BAIAP2: variants seen among roughly 807,000 people sequenced by gnomAD.
BAIAP2 encodes the protein BAR/IMD domain-containing adapter protein 2.
Under a neutral mutation model 63.0 loss-of-function variants are expected in BAIAP2, and 18 were observed. The observed-to-expected ratio is 0.29, with a 90% CI of 0.20 to 0.42. The LOEUF (loss-of-function observed/expected upper bound fraction) is 0.42, where lower values mean the gene tolerates loss of function less well. Ranked by LOEUF, BAIAP2 falls within the 10% of genes least tolerant of loss-of-function variation. The pLI, the probability that BAIAP2 is intolerant of heterozygous loss-of-function variation, is 1.00. For missense variants in BAIAP2, 610 were observed against 734.3 expected (o/e 0.83, Z 1.96); for synonymous variants, 386 against 307.6 (o/e 1.25, Z -2.67).
chr17:81,037,492 A>G (rs2046439470), intron 1 of BAIAP2, among the ~76,000 whole-genome samples: 1 of 152,208 alleles, frequency 6.6e-6, no homozygotes, highest in Non-Finnish European at 1.5e-5. Context: ...CTGGTTGGGC[A>G]GCTTTTGGCA....
At chr17:81,070,017 G>T (rs149705257) in intron 3 of BAIAP2, among the ~76,000 whole-genome samples, 1 of 152,122 alleles carries the variant, frequency 6.6e-6, no homozygotes, top group Non-Finnish European at 1.5e-5. Flanking sequence ...GCTAGAGTGT[G>T]GTGGCGCAGT....
chr17:81,061,507 A>G (rs1050520670), intron 3 of BAIAP2, among the ~76,000 whole-genome samples: 3 of 152,214 alleles, frequency 2.0e-5, no homozygotes, highest in Non-Finnish European at 2.9e-5. Flanking sequence ...GGAGTTTTAC[A>G]TACATGGAAC....
chr17:81,113,036 CAG>C (rs1223095496), intron 13 of BAIAP2, among the ~76,000 whole-genome samples: 3 of 152,200 alleles, frequency 2.0e-5, no homozygotes, highest in Non-Finnish European at 4.4e-5. Flanking sequence ...GCCCGGAAGA[CAG>C]AGCAAGACCC....
At chr17:81,091,249 G>T (rs532540586) in intron 6 of BAIAP2, among the ~76,000 whole-genome samples, 2 of 143,414 alleles carry the variant, frequency 1.4e-5, no homozygotes, top group South Asian at 2.2e-4. Flanking sequence ...GGCTTGCCTC[G>T]CGGGGTCTAC....
chr17:81,063,291 T>C (rs2050906323), intron 3 of BAIAP2, among the ~76,000 whole-genome samples: 1 of 152,292 alleles, frequency 6.6e-6, no homozygotes, highest in East Asian at 1.9e-4. Context: ...CACAGGAAGA[T>C]GGATTTGTGC....
Position 81,116,604 on chromosome 17 carries a change from C to A in BAIAP2, c.*765C>A. 2 of 453,264 alleles carry A rather than the reference C, an allele frequency of 4.4e-6. No individual in the cohort carries two copies. The highest frequency in any genetic ancestry group is 4.1e-6 in the Non-Finnish European group (1 of 246,662). 28.1% of individuals were successfully genotyped at this position (453,264 alleles called of 1,614,324 possible). On this transcript the variant is annotated 3_prime_UTR_variant, in exon 14 of 14. Transcript: ENST00000428708. ...TGCCCGCTGGCAGGTGGGGGCTTCC[C>A]CGCTTCCGGGGTCTGCCCCAGGACT... is the stretch of plus-strand genomic sequence containing the variant.
At chr17:81,051,635 G>A (rs1381754071) in intron 1 of BAIAP2, among the ~76,000 whole-genome samples, 2 of 152,084 alleles carry the variant, frequency 1.3e-5, no homozygotes, top group Admixed American at 6.6e-5. Flanking sequence ...CTCGTGATCC[G>A]CCTGCCTTGG....
intron 6 of BAIAP2, among the ~76,000 whole-genome samples, chr17:81,094,924 T>C (rs1320757649): frequency 6.6e-6 from 1 of 152,258 alleles, no homozygotes; most frequent in Non-Finnish European, 1.5e-5. Context: ...GTGGGAAAGC[T>C]GCAGCAGCCG....
At chr17:81,084,119 C>T (rs2055137153) in intron 3 of BAIAP2, among the ~76,000 whole-genome samples, 2 of 152,222 alleles carry the variant, frequency 1.3e-5, no homozygotes, top group African/African-American at 4.8e-5. Context: ...TGCACACGGG[C>T]CGAGGAGACA....
chr17:81,096,912 C>T (rs1057201385), intron 6 of BAIAP2, among the ~76,000 whole-genome samples: 24 of 152,204 alleles, frequency 1.6e-4, no homozygotes, highest in African/African-American at 2.9e-4. Flanking sequence ...AAAAGTACTT[C>T]GCGCTCCAGC....
chr17:81,107,735 A>G (rs2059355988), intron 12 of BAIAP2: 2 of 152,416 alleles, frequency 1.3e-5, no homozygotes, highest in South Asian at 4.1e-4. Flanking sequence ...CCGAGATAAC[A>G]GGTAGCCTGG....
chr17:81,110,876 C>T (rs778204190), intron 13 of BAIAP2: 5 of 1,613,362 alleles, frequency 3.1e-6, no homozygotes, highest in African/African-American at 1.3e-5. Context: ...TCCTCAGACC[C>T]CATGCTGCCT....
At chr17:81,071,062 G>GTCAGCTACCGTCATCACCA (rs2052545529) in intron 3 of BAIAP2, among the ~76,000 whole-genome samples, 1 of 151,330 alleles carries the variant, frequency 6.6e-6, no homozygotes, top group Non-Finnish European at 1.5e-5. Flanking sequence ...GGGAAGCAGC[G>GTCAGCTACCGTCATCACCA]TCAGCTACCG....
chr17:81,110,906 C>T (rs1449017831), intron 13 of BAIAP2: 1 of 1,613,838 alleles, frequency 6.2e-7, no homozygotes, highest in Non-Finnish European at 8.5e-7. Context: ...CCTTGTGTTT[C>T]CTTGCAGCGC....
intron 3 of BAIAP2, among the ~76,000 whole-genome samples, chr17:81,069,975 T>A (rs957076479): frequency 6.6e-6 from 1 of 151,966 alleles, no homozygotes; most frequent in African/African-American, 2.4e-5. Flanking sequence ...TTTTCCCCCT[T>A]TTTGGAGACA....
chr17:81,050,423 G>A (rs1000030400), intron 1 of BAIAP2, among the ~76,000 whole-genome samples: 28 of 152,204 alleles, frequency 1.8e-4, no homozygotes, highest in Non-Finnish European at 2.6e-4. Context: ...GCGAAACCTT[G>A]GTGCTGCCCC....
intron 2 of BAIAP2, among the ~76,000 whole-genome samples, chr17:81,055,574 G>GTTTTTTGTTTTCTTTTGTTTTT (rs370775327): frequency 8.1e-6 from 1 of 123,412 alleles, no homozygotes; most frequent in Admixed American, 9.3e-5. Context: ...AGGGTGTTTT[G>GTTTTTTGTTTTCTTTTGTTTTT]TTTTTTTTTG....
chr17:81,056,057 G>T (rs1372699196), intron 2 of BAIAP2, among the ~76,000 whole-genome samples: 1 of 152,206 alleles, frequency 6.6e-6, no homozygotes, highest in Non-Finnish European at 1.5e-5. Context: ...TTGTTGGGCA[G>T]CTTCATGGGG....
chr17:81,096,428 C>T (rs2057622778), intron 6 of BAIAP2, among the ~76,000 whole-genome samples: 1 of 152,242 alleles, frequency 6.6e-6, no homozygotes, highest in Non-Finnish European at 1.5e-5. Context: ...CCAAAGCAGG[C>T]ACCCCCATCA....
Sources: allele counts gnomAD v4.1 joint callset (sites outside exome capture counted in the v4.1 genomes callset), GRCh38; gene constraint gnomAD v4.1.1; transcripts MANE v1.5; gene names NCBI Gene and HGNC (gene_info 2026-07-23, HGNC 2026-07-21).